The following LOC400499 variants were observed in gnomAD, a reference collection of about 807,000 sequenced individuals.
chr16:11,416,017 G>A, the LOC400499 span, among the ~76,000 whole-genome samples: 42 of 151,524 alleles, frequency 2.8e-4, no homozygotes, highest in African/African-American at 9.2e-4. Context: ...GTGCTGTGGC[G>A]TGATCTCGGC....
At chr16:11,456,717 T>C in the LOC400499 span, 1 of 1,011,758 alleles carries the variant, frequency 9.9e-7, no homozygotes, top group Non-Finnish European at 1.4e-6. Flanking sequence ...CGTGAGCCAC[T>C]GTGCCTGGCC....
At chr16:11,522,537 C>A in the LOC400499 span, among the ~76,000 whole-genome samples, 1 of 152,172 alleles carries the variant, frequency 6.6e-6, no homozygotes, top group Non-Finnish European at 1.5e-5. Flanking sequence ...TGCAAAATGT[C>A]CCCAGGGGAG....
the LOC400499 span, among the ~76,000 whole-genome samples, chr16:11,513,406 C>CAA: frequency 1.6e-5 from 2 of 126,944 alleles, no homozygotes; most frequent in African/African-American, 6.0e-5. Flanking sequence ...ACTGTGTCTC[C>CAA]AAAAAAAAAA....
At chr16:11,480,642 C>T in the LOC400499 span, among the ~76,000 whole-genome samples, 1 of 152,090 alleles carries the variant, frequency 6.6e-6, no homozygotes, top group Non-Finnish European at 1.5e-5. Context: ...AAAAAGTAGG[C>T]TAAAGATATA....
the LOC400499 span, among the ~76,000 whole-genome samples, chr16:11,428,176 G>GT: frequency 6.6e-6 from 1 of 151,920 alleles, no homozygotes; most frequent in Non-Finnish European, 1.5e-5. Flanking sequence ...TCCCCTTTGT[G>GT]TTTATTTTAT....
At chr16:11,421,162 C>A in the LOC400499 span, among the ~76,000 whole-genome samples, 1 of 152,194 alleles carries the variant, frequency 6.6e-6, no homozygotes, top group South Asian at 2.1e-4. Flanking sequence ...CTCAGTGTGA[C>A]AGCAGAGAGG....
chr16:11,455,527 G>C, the LOC400499 span, among the ~76,000 whole-genome samples: 1 of 152,020 alleles, frequency 6.6e-6, no homozygotes, highest in African/African-American at 2.4e-5. Context: ...TTGAGCTCAG[G>C]AGTTCAAGAC....
chr16:11,474,788 G>C, the LOC400499 span, among the ~76,000 whole-genome samples: 4 of 152,076 alleles, frequency 2.6e-5, no homozygotes, highest in African/African-American at 9.7e-5. Flanking sequence ...AGGACCACTT[G>C]AGCCTGGGGA....
At chr16:11,462,887 T>C in the LOC400499 span, among the ~76,000 whole-genome samples, 6 of 152,308 alleles carry the variant, frequency 3.9e-5, no homozygotes, top group South Asian at 1.2e-3. Flanking sequence ...AATCAACCAC[T>C]TCTGCCACCT....
chr16:11,475,036 A>C, the LOC400499 span, among the ~76,000 whole-genome samples: 1 of 152,214 alleles, frequency 6.6e-6, no homozygotes, highest in South Asian at 2.1e-4. Flanking sequence ...TATCTTATGT[A>C]AAGTGTTGAT....
chr16:11,460,101 C>G, the LOC400499 span: 1 of 1,304,088 alleles, frequency 7.7e-7, no homozygotes, highest in Non-Finnish European at 9.8e-7. Flanking sequence ...CCCTGCCCAC[C>G]CAGTCCCTGG....
the LOC400499 span, among the ~76,000 whole-genome samples, chr16:11,438,598 C>CCACCTCTAA: frequency 2.2e-5 from 3 of 133,364 alleles, no homozygotes; most frequent in South Asian, 2.4e-4. Flanking sequence ...TAGCGAGACC[C>CCACCTCTAA]TGTCTCTGCA....
At chr16:11,459,906 T>C in the LOC400499 span, 3 of 1,432,504 alleles carry the variant, frequency 2.1e-6, no homozygotes, top group Non-Finnish European at 2.8e-6. Context: ...CTCCATGAAG[T>C]GATTGCTCAG....
the LOC400499 span, chr16:11,387,250 G>C: frequency 8.1e-7 from 1 of 1,232,250 alleles, no homozygotes; most frequent in Non-Finnish European, 1.0e-6. Context: ...CCAGGGGCTC[G>C]TCCCCCGCAG....
the LOC400499 span, chr16:11,516,120 C>T: frequency 2.5e-6 from 1 of 399,750 alleles, no homozygotes; most frequent in East Asian, 3.6e-5. Context: ...CCCCCTACCC[C>T]CTTCCCATCT....
chr16:11,471,554 C>A, the LOC400499 span: 4 of 398,534 alleles, frequency 1.0e-5, no homozygotes, highest in Admixed American at 1.3e-4. Flanking sequence ...AGCCCAACAG[C>A]CCCAGAGAGG....
the LOC400499 span, chr16:11,446,440 G>T: frequency 1.0e-6 from 1 of 995,956 alleles, no homozygotes; most frequent in Non-Finnish European, 1.5e-6. Flanking sequence ...TTACAGGTGT[G>T]AGCCACTGCA....
chr16:11,461,059 A>G, the LOC400499 span: 40 of 1,536,102 alleles, frequency 2.6e-5, no homozygotes, highest in Non-Finnish European at 3.4e-5. Context: ...CCCTGGCACA[A>G]ACAGCTCGGC....
the LOC400499 span, chr16:11,494,588 G>A: frequency 1.8e-5 from 7 of 389,566 alleles, no homozygotes; most frequent in East Asian, 1.8e-4. Context: ...GTCATCATCC[G>A]AGGGCTCCTG....
Sources: gnomAD v4.1 joint callset for allele counts (sites outside exome capture counted in the v4.1 genomes callset) on GRCh38, gnomAD v4.1.1 for gene constraint, MANE v1.5 for transcripts.